Variants in PTPRF observed in about 807,000 individuals in gnomAD.
PTPRF encodes the protein protein tyrosine phosphatase receptor type F.
Under a neutral mutation model 201.8 loss-of-function variants are expected in PTPRF, and 59 were observed. The ratio of observed to expected loss-of-function variants is 0.29; its 90% CI spans 0.24 to 0.36. The LOEUF (loss-of-function observed/expected upper bound fraction) is 0.36, where lower values mean the gene tolerates loss of function less well. Among genes scored for constraint, PTPRF ranks in the 10% least tolerant of loss-of-function variants. PTPRF has a pLI of 1.00. For synonymous variants in PTPRF, 1,088 were observed against 1,089.7 expected, an observed-to-expected ratio of 1.00 and a Z score of 0.03; for missense variants, 2,132 against 2,690.5, an observed-to-expected ratio of 0.79 and a Z score of 4.59.
At chr1:43,613,381 C>G (rs963124434) in intron 22 of PTPRF, 2 of 494,402 alleles carry the variant, frequency 4.0e-6, no homozygotes, top group Admixed American at 6.5e-5. Context: ...CTAGTGCCCC[C>G]ACTCAGCACC....
chr1:43,595,209 T>G (rs1355382633), intron 11 of PTPRF, among the ~76,000 whole-genome samples: 1 of 152,112 alleles, frequency 6.6e-6, no homozygotes, highest in East Asian at 1.9e-4. Flanking sequence ...TGTTTTGTTT[T>G]GTTTTGTTTT....
chr1:43,529,199 T>C (rs1442370803), upstream of PTPRF, among the ~76,000 whole-genome samples: 3 of 152,154 alleles, frequency 2.0e-5, no homozygotes, highest in Non-Finnish European at 4.4e-5. Context: ...TTACCAATGG[T>C]GAAAAACCAC....
At chr1:43,552,934 G>A (rs1004874137) in intron 3 of PTPRF, among the ~76,000 whole-genome samples, 2 of 152,148 alleles carry the variant, frequency 1.3e-5, no homozygotes, top group East Asian at 1.9e-4. Context: ...AGAGACTTAG[G>A]AACTGGACTG....
At chr1:43,569,847 A>G in intron 6 of PTPRF, 69 bp downstream of exon 6, 4 of 1,489,816 alleles carry the variant, frequency 2.7e-6, no homozygotes, top group Non-Finnish European at 3.6e-6. Flanking sequence ...ATCCCAGCAC[A>G]GCCTACTCCC....
Position 43,537,916 on chromosome 1 carries a change from C to T in PTPRF, c.-125-282C>T, listed in dbSNP as rs1644121524. The stretch of plus-strand genomic sequence containing the variant: ...AGGAGCTGGGCCACAGAGTCTACTG[C>T]TGAGGTCAGGGACTTGGTCTGTGTG... On this transcript the variant is annotated intron_variant, in intron 1 of 33. Coordinates refer to ENST00000359947, the MANE Select transcript of PTPRF (RefSeq NM_002840.5). This position sits in a 1 kb window ranked among gnomAD's most constrained non-coding sequence, Gnocchi z 4.8. 6.6e-6 allele frequency among the ~76,000 whole-genome samples: 1 copy of T among 152,104 alleles called. No homozygotes were observed. The highest frequency in any genetic ancestry group is 6.6e-5 in the Admixed American group (1 of 15,266).
At chr1:43,595,635 T>G (rs1278997921) in intron 11 of PTPRF, among the ~76,000 whole-genome samples, 4 of 150,826 alleles carry the variant, frequency 2.7e-5, no homozygotes, top group Non-Finnish European at 5.9e-5. Context: ...CCTTGGGAGG[T>G]GGAGAGAAGG....
chr1:43,561,458 C>T (rs1645802554), intron 5 of PTPRF, among the ~76,000 whole-genome samples: 1 of 152,118 alleles, frequency 6.6e-6, no homozygotes, highest in African/African-American at 2.4e-5. Context: ...GATGTGATCC[C>T]TTTCTATTGT....
At chr1:43,616,893 C>T (rs1267822712) in intron 23 of PTPRF, among the ~76,000 whole-genome samples, 1 of 152,034 alleles carries the variant, frequency 6.6e-6, no homozygotes, top group Non-Finnish European at 1.5e-5. Flanking sequence ...CTAGAAGGAA[C>T]CCTGGAGGAG....
rs140610688 is a variant in PTPRF at position 43,607,790 on chromosome 1, A to G, written c.3857+822A>G. Among the ~76,000 whole-genome samples, 1,274 of 152,216 alleles carry G rather than the reference A, an allele frequency of 8.4e-3. 17 individuals carry two copies. Among genetic ancestry groups the G allele is most frequent in the African/African-American group, 0.029 (1,212 of 41,560 alleles). ...TCCCCCTGCCCACTTGGCAACAGCA[A>G]TCTCATCGTTCAGGACTCAAGTCCA... is the stretch of plus-strand genomic sequence containing the variant. On this transcript the variant is annotated intron_variant, in intron 21 of 33. Transcript: ENST00000359947.
chr1:43,547,295 C>T (rs1027391787), intron 3 of PTPRF, among the ~76,000 whole-genome samples: 1 of 152,184 alleles, frequency 6.6e-6, no homozygotes, highest in Non-Finnish European at 1.5e-5. Context: ...CATGCTGGTT[C>T]CTTAGGAACC....
intron 22 of PTPRF, among the ~76,000 whole-genome samples, chr1:43,611,229 G>A (rs1656371453): frequency 6.6e-6 from 1 of 152,184 alleles, no homozygotes; most frequent in South Asian, 2.1e-4. Flanking sequence ...AGACCTAGCA[G>A]GCTGTTGCAA....
intron 25 of PTPRF, among the ~76,000 whole-genome samples, chr1:43,618,348 C>T (rs527552612): frequency 2.6e-5 from 4 of 152,246 alleles, no homozygotes; most frequent in Admixed American, 2.6e-4. Flanking sequence ...GGCACATAAA[C>T]GTTATGGGTA....
intron 5 of PTPRF, among the ~76,000 whole-genome samples, chr1:43,568,122 C>T (rs571699160): frequency 6.6e-6 from 1 of 151,918 alleles, no homozygotes; most frequent in East Asian, 1.9e-4. Flanking sequence ...ATGGTGAAAC[C>T]CCGTCTCTAC....
chr1:43,597,533 TGAGAGAGGGAAG>T (rs1466089041), intron 11 of PTPRF, among the ~76,000 whole-genome samples: 1 of 151,940 alleles, frequency 6.6e-6, no homozygotes, highest in Non-Finnish European at 1.5e-5. Flanking sequence ...TGTGTGTGTG[TGAGAGAGGGAAG>T]GAGAGAGAGG....
At chr1:43,530,553 G>T (rs891803380), upstream of PTPRF, among the ~76,000 whole-genome samples, 1 of 152,154 alleles carries the variant, frequency 6.6e-6, no homozygotes, top group Non-Finnish European at 1.5e-5. This position sits in a 1 kb window ranked among gnomAD's most constrained non-coding sequence, Gnocchi z 4.1. Context: ...CAAGGTGTGG[G>T]CTCAGTATCA....
chr1:43,581,369 G>A (rs1373925882), intron 7 of PTPRF, among the ~76,000 whole-genome samples: 2 of 152,130 alleles, frequency 1.3e-5, no homozygotes, highest in East Asian at 1.9e-4. Context: ...ACACACATAC[G>A]ACGTTCCTCT....
At chr1:43,533,745 C>G (rs1643843509) in intron 1 of PTPRF, among the ~76,000 whole-genome samples, 1 of 152,198 alleles carries the variant, frequency 6.6e-6, no homozygotes, top group Non-Finnish European at 1.5e-5. Flanking sequence ...GTGCTTGGTT[C>G]CAGCTTGCAG....
upstream of PTPRF, chr1:43,525,045 T>C (rs543031873): frequency 6.6e-6 from 1 of 152,350 alleles, no homozygotes; most frequent in South Asian, 2.1e-4. Context: ...TGGAGCTGGC[T>C]TTTTGCCAGA....
chr1:43,619,724 C>T lies in PTPRF; in HGVS notation c.4977C>T (p.Ala1659=), dbSNP rs61734379. Residue 1659 remains alanine, a synonymous_variant, in exon 29 of 34, where the codon GCC becomes GCT. Coordinates refer to ENST00000359947, the MANE Select transcript of PTPRF (RefSeq NM_002840.5). ...SKAHTSRFIS[A]NLPCNKFKNR... ...CCCACACGTCCCGCTTCATCAGCGCCAACCTGCCCTGCAACAAGTTCAAGA... is the reference window on the plus strand; with the variant it reads ...CCCACACGTCCCGCTTCATCAGCGCTAACCTGCCCTGCAACAAGTTCAAGA... 846 of 1,614,270 alleles carry T rather than the reference C, an allele frequency of 5.2e-4. 7 individuals are homozygous for T. The African/African-American group carries it at 9.9e-3, about 19-fold the overall frequency.
Sources: gnomAD v4.1 joint callset for allele counts (sites outside exome capture counted in the v4.1 genomes callset) on GRCh38, gnomAD v4.1.1 for gene constraint, Gnocchi (gnomAD v3.1) non-coding constraint, MANE v1.5 for transcripts, NCBI Gene and HGNC (gene_info 2026-07-23, HGNC 2026-07-21) for gene names.